The following KCNH5 variants were observed in gnomAD, a reference collection of about 807,000 sequenced individuals.
The protein encoded by KCNH5 is voltage-gated delayed rectifier potassium channel KCNH5.
Under a neutral mutation model 96.1 loss-of-function variants are expected in KCNH5, and 46 were observed. The ratio of observed to expected loss-of-function variants is 0.48; its 90% CI spans 0.38 to 0.61. KCNH5 has a LOEUF of 0.61. Ranked by LOEUF, KCNH5 falls within the 20% of genes least tolerant of loss-of-function variation. KCNH5 has a pLI of 0.00. For synonymous variants in KCNH5, 439 were observed against 449.8 expected (o/e 0.98, Z 0.30); for missense variants, 907 against 1,225.8 (o/e 0.74, Z 3.88).
At chr14:62,908,416 C>A (rs967939465) in intron 7 of KCNH5, among the ~76,000 whole-genome samples, 1 of 152,182 alleles carries the variant, frequency 6.6e-6, no homozygotes, top group African/African-American at 2.4e-5. Flanking sequence ...GCCTCCCTGG[C>A]CAAGATGGTA....
intron 10 of KCNH5, among the ~76,000 whole-genome samples, chr14:62,713,719 T>C (rs1255123414): frequency 6.6e-6 from 1 of 152,226 alleles, no homozygotes; most frequent in African/African-American, 2.4e-5. Flanking sequence ...TGTTTTATTT[T>C]AAGTTTAAAA....
chr14:62,826,155 G>A (rs1887219489), intron 8 of KCNH5, among the ~76,000 whole-genome samples: 1 of 151,984 alleles, frequency 6.6e-6, no homozygotes, highest in Non-Finnish European at 1.5e-5. Flanking sequence ...CTGTGTTAAA[G>A]TGTCGTATTA....
intron 1 of KCNH5, among the ~76,000 whole-genome samples, chr14:63,038,457 C>G (rs1010343214): frequency 6.6e-6 from 1 of 152,116 alleles, no homozygotes; most frequent in African/African-American, 2.4e-5. Flanking sequence ...ATCCATATGA[C>G]TTTGTACTTA....
At chr14:62,969,700 C>G (rs987340052) in intron 6 of KCNH5, among the ~76,000 whole-genome samples, 6 of 151,864 alleles carry the variant, frequency 4.0e-5, no homozygotes, top group Non-Finnish European at 7.4e-5. Flanking sequence ...CACAGGTTTA[C>G]CTCTGTAACA....
chr14:62,781,544 G>C (rs373554412), intron 9 of KCNH5, among the ~76,000 whole-genome samples: 5 of 152,168 alleles, frequency 3.3e-5, no homozygotes, highest in African/African-American at 1.2e-4. Flanking sequence ...ACGCCCGGCG[G>C]GGGGTGGGGG....
intron 7 of KCNH5, among the ~76,000 whole-genome samples, chr14:62,883,355 T>A (rs1485490976): frequency 6.6e-6 from 1 of 152,168 alleles, no homozygotes; most frequent in Non-Finnish European, 1.5e-5. Context: ...ATGCAATGAT[T>A]TTACTTGAAA....
At chr14:62,958,233 C>A (rs17223958) in intron 6 of KCNH5, among the ~76,000 whole-genome samples, 17 of 152,138 alleles carry the variant, frequency 1.1e-4, no homozygotes, top group Admixed American at 3.9e-4. Context: ...TTGACGCCAA[C>A]AAATACTTCA....
At chr14:62,881,123 G>A (rs1450441495) in intron 7 of KCNH5, among the ~76,000 whole-genome samples, 1 of 152,086 alleles carries the variant, frequency 6.6e-6, no homozygotes, top group Non-Finnish European at 1.5e-5. Flanking sequence ...GCGCCATTTA[G>A]GCCACATAAC....
chr14:62,821,518 C>G (rs941585922), intron 8 of KCNH5, among the ~76,000 whole-genome samples: 2 of 152,056 alleles, frequency 1.3e-5, no homozygotes, highest in African/African-American at 4.8e-5. Flanking sequence ...AAACTATCAT[C>G]TTTTTGAAAG....
intron 7 of KCNH5, among the ~76,000 whole-genome samples, chr14:62,874,575 A>G (rs1047273691): frequency 6.6e-6 from 1 of 152,012 alleles, no homozygotes; most frequent in African/African-American, 2.4e-5. Flanking sequence ...ATATAAACAG[A>G]GCCAAAGACA....
chr14:62,853,148 A>G (rs1364668230), intron 7 of KCNH5, among the ~76,000 whole-genome samples: 1 of 152,060 alleles, frequency 6.6e-6, no homozygotes, highest in African/African-American at 2.4e-5. Flanking sequence ...CCTATATCTG[A>G]TCCATCAACA....
chr14:62,928,699 AGGAACTTCCCAT>A (rs2140114098), intron 7 of KCNH5, among the ~76,000 whole-genome samples: 1 of 152,134 alleles, frequency 6.6e-6, no homozygotes, highest in East Asian at 1.9e-4. Context: ...GACCTGTAAG[AGGAACTTCCCAT>A]GGCTGCTCAC....
chr14:62,932,690 T>A (rs1489598582), intron 7 of KCNH5, among the ~76,000 whole-genome samples: 2 of 151,898 alleles, frequency 1.3e-5, no homozygotes, highest in East Asian at 3.9e-4. Flanking sequence ...CATAGTAACC[T>A]CACAATACTG....
intron 9 of KCNH5, among the ~76,000 whole-genome samples, chr14:62,800,613 A>AT (rs1312249839): frequency 6.6e-6 from 1 of 152,080 alleles, no homozygotes; most frequent in African/African-American, 2.4e-5. Context: ...TACATTTGAT[A>AT]TTTTTTTCCT....
Position 62,707,539 on chromosome 14 carries a change from G to A in KCNH5, c.2936C>T (p.Pro979Leu), listed in dbSNP as rs767274540. The A allele has an allele frequency of 2.0e-6, 3 of 1,464,182 alleles. No homozygotes were observed. In the Admixed American group the frequency reaches 7.2e-5, roughly 35 times the overall value. The allele number at this position is 1,464,182 out of a possible 1,614,324, so 90.7% of individuals were successfully genotyped here. A position where few individuals can be genotyped will look rare whatever the true frequency, so the allele number is the denominator to read the frequency against. The change falls in exon 11 of 11, where the codon CCT becomes CTT. Residue 979 changes from proline to leucine, a missense_variant. Around this residue, in one of 6 missense-constraint regions of KCNH5, gnomAD observed 362 missense variants for 394.4 expected, o/e 0.92. Coordinates refer to ENST00000322893, the MANE Select transcript of KCNH5 (RefSeq NM_139318.5). ...GTGGATTTCATCTTTGTCAGATTCA[G>A]GTGATTCAGGCCTTGAGACACTAAA... ...DIFSVSRPES[P>L]ESDKDEIHF is the part of the protein sequence containing the mutation.
intron 10 of KCNH5, among the ~76,000 whole-genome samples, chr14:62,718,785 G>C (rs4902180): frequency 0.34 from 52,323 of 152,104 alleles, 9,951 homozygotes; most frequent in South Asian, 0.52. Context: ...ATTTATGATA[G>C]CCAAAAAGTA....
rs575999261 is a variant in KCNH5, at chr14:63,008,570, C to T, written c.198-2098G>A. Among the ~76,000 whole-genome samples the T allele has an allele frequency of 5.3e-5, 8 of 151,038 alleles. No individual in the cohort carries two copies. In the South Asian group the frequency reaches 6.4e-4, roughly 12 times the overall value. On this transcript the variant is annotated intron_variant, in intron 2 of 10. Coordinates refer to ENST00000322893, the MANE Select transcript of KCNH5 (RefSeq NM_139318.5). ...GGCAGATCAAAGATTGTCCAAGCAC[C>T]GAGAAACCTGAATCCTTCATTTTTA...
intron 7 of KCNH5, among the ~76,000 whole-genome samples, chr14:62,919,886 C>G (rs8007782): frequency 0.15 from 22,286 of 151,754 alleles, 1,904 homozygotes; most frequent in East Asian, 0.37. Flanking sequence ...TCAAACCAAG[C>G]GGGGAGAGAG....
intron 8 of KCNH5, among the ~76,000 whole-genome samples, chr14:62,842,617 G>A (rs541080910): frequency 1.3e-5 from 2 of 152,096 alleles, no homozygotes; most frequent in African/African-American, 2.4e-5. Flanking sequence ...TCTTAATAGC[G>A]TCTCTTGCTC....
Sources: allele counts gnomAD v4.1 joint callset (sites outside exome capture counted in the v4.1 genomes callset), GRCh38; gene constraint gnomAD v4.1.1; regional missense constraint gnomAD v4.1.1; transcripts MANE v1.5; gene names NCBI Gene and HGNC (gene_info 2026-07-23, HGNC 2026-07-21).